The following KHDRBS2 variants were observed in gnomAD, a reference collection of about 807,000 sequenced individuals.
KHDRBS2 encodes KH domain-containing, RNA-binding, signal transduction-associated protein 2.
KHDRBS2 carries 26 observed loss-of-function variants against 44.3 expected under a neutral mutation model. The observed-to-expected ratio is 0.59, with a 90% CI of 0.43 to 0.81. The LOEUF is 0.81. Among genes scored for constraint, KHDRBS2 ranks in the 40% least tolerant of loss-of-function variants. The pLI, the probability that KHDRBS2 is intolerant of heterozygous loss-of-function variation, is 0.00. For missense variants in KHDRBS2, 476 were observed against 433.1 expected, an observed-to-expected ratio of 1.10 and a Z score of -0.88; for synonymous variants, 194 against 151.1, an observed-to-expected ratio of 1.28 and a Z score of -2.08.
At chr6:62,285,291 C>A (rs1842328622) in intron 1 of KHDRBS2, among the ~76,000 whole-genome samples, 1 of 152,140 alleles carries the variant, frequency 6.6e-6, no homozygotes, top group African/African-American at 2.4e-5. Context: ...ACCCAATCAT[C>A]ACACTTCAAA....
chr6:61,643,208 T>C, the KHDRBS2 span, among the ~76,000 whole-genome samples: 1 of 152,204 alleles, frequency 6.6e-6, no homozygotes, highest in Non-Finnish European at 1.5e-5. Context: ...AGATTTGATA[T>C]GAAAAATTTC....
intron 4 of KHDRBS2, among the ~76,000 whole-genome samples, chr6:61,912,421 G>C (rs1434526451): frequency 2.0e-5 from 3 of 152,104 alleles, no homozygotes; most frequent in Admixed American, 1.3e-4. Context: ...TGTTCAGCTG[G>C]GCTTCTTGTC....
intron 5 of KHDRBS2, among the ~76,000 whole-genome samples, chr6:61,895,976 A>G (rs1802872256): frequency 2.0e-5 from 3 of 152,224 alleles, no homozygotes; most frequent in Admixed American, 1.3e-4. Context: ...GCTGATGAAT[A>G]GAGAAATGAT....
At position 61,892,825 on chromosome 6, in the gene KHDRBS2, T is replaced by A. The variant is rs546061499; in HGVS notation, c.810+1810A>T. ...TAGAAGAAAACCTAGGCATTACCAT[T>A]CAGGACATAGGCATGGGCAAGGACT... On this transcript the variant is annotated intron_variant, in intron 6 of 8. Coordinates refer to ENST00000281156, the MANE Select transcript of KHDRBS2 (RefSeq NM_152688.4). 5.3e-3 allele frequency among the ~76,000 whole-genome samples: 810 copies of A among 152,272 alleles called. 3 individuals carry two copies. The highest frequency in any genetic ancestry group is 9.0e-3 in the Non-Finnish European group (613 of 68,024).
At chr6:61,878,800 C>T (rs1799808221) in intron 6 of KHDRBS2, among the ~76,000 whole-genome samples, 2 of 151,956 alleles carry the variant, frequency 1.3e-5, no homozygotes, top group Admixed American at 1.3e-4. Context: ...CACTTACTGG[C>T]TAGGCAACTT....
intron 4 of KHDRBS2, among the ~76,000 whole-genome samples, chr6:61,967,668 T>C (rs1770345121): frequency 6.6e-6 from 1 of 151,806 alleles, no homozygotes; most frequent in South Asian, 2.1e-4. Flanking sequence ...TGAAAGTGAA[T>C]AAGCACACAG....
In KHDRBS2 at chr6:61,917,420, A is replaced by C. The variant is rs141325073; in HGVS notation, c.484-16049T>G. ...AAAGGTCACATACTATATGATTCAA[A>C]ATATATGACATTCTAGAAAAAGCAA... On this transcript the variant is annotated intron_variant, in intron 4 of 8. Coordinates refer to ENST00000281156, the MANE Select transcript of KHDRBS2 (RefSeq NM_152688.4). Among the ~76,000 whole-genome samples, 375 of 152,022 alleles carry C rather than the reference A, an allele frequency of 2.5e-3. 3 individuals are homozygous for C. The highest frequency in any genetic ancestry group is 8.4e-3 in the African/African-American group (350 of 41,540).
At chr6:62,197,024 T>C (rs1173749903) in intron 1 of KHDRBS2, among the ~76,000 whole-genome samples, 1 of 152,042 alleles carries the variant, frequency 6.6e-6, no homozygotes, top group African/African-American at 2.4e-5. Context: ...CACAGTGTAG[T>C]ATAAAAATGA....
intron 4 of KHDRBS2, among the ~76,000 whole-genome samples, chr6:61,969,488 A>C (rs1351111772): frequency 1.3e-5 from 2 of 152,066 alleles, no homozygotes; most frequent in East Asian, 3.8e-4. Flanking sequence ...TATCCTAACT[A>C]TAACTTGTCT....
At chr6:61,868,936 A>G (rs576359584) in intron 6 of KHDRBS2, among the ~76,000 whole-genome samples, 3 of 152,282 alleles carry the variant, frequency 2.0e-5, no homozygotes, top group South Asian at 4.2e-4. Flanking sequence ...GAGACTCCAC[A>G]TAGCTCTGTA....
At chr6:61,951,566 C>T (rs994540013) in intron 4 of KHDRBS2, among the ~76,000 whole-genome samples, 2 of 151,982 alleles carry the variant, frequency 1.3e-5, no homozygotes, top group South Asian at 2.1e-4. Context: ...TTGTATAACA[C>T]CTTGGAATGC....
At chr6:61,904,406 T>C (rs771338256) in intron 4 of KHDRBS2, among the ~76,000 whole-genome samples, 3 of 152,194 alleles carry the variant, frequency 2.0e-5, no homozygotes, top group Non-Finnish European at 4.4e-5. Flanking sequence ...AAGCAACTAA[T>C]ATAATGTAAC....
Position 61,930,036 on chromosome 6 carries a change from C to G in KHDRBS2, c.484-28665G>C, listed in dbSNP as rs62414732. ...AGGTGATTAAGTCATGAAGGCAGAG[C>G]CTTCATGGATAAAATTAGGGTCCTC... On this transcript the variant is annotated intron_variant, in intron 4 of 8. Transcript: ENST00000281156. 6.2e-3 allele frequency among the ~76,000 whole-genome samples: 944 copies of G among 152,092 alleles called. 7 individuals carry two copies. The highest frequency in any genetic ancestry group is 0.017 in the Middle Eastern group (5 of 294).
the KHDRBS2 span, among the ~76,000 whole-genome samples, chr6:61,612,389 T>C: frequency 1.3e-5 from 2 of 152,212 alleles, no homozygotes; most frequent in African/African-American, 4.8e-5. Flanking sequence ...AGTGGTTTGT[T>C]AGAATAAATA....
chr6:61,715,258 A>G (rs1366554511), intron 7 of KHDRBS2, among the ~76,000 whole-genome samples: 1 of 151,934 alleles, frequency 6.6e-6, no homozygotes, highest in African/African-American at 2.4e-5. Context: ...TTGAGCTCAG[A>G]TAACTACATT....
intron 2 of KHDRBS2, among the ~76,000 whole-genome samples, chr6:62,072,231 G>A (rs1296756874): frequency 4.6e-5 from 7 of 152,116 alleles, no homozygotes; most frequent in Non-Finnish European, 7.4e-5. Context: ...TCAGCTTAAG[G>A]AGATTTTGGG....
At chr6:62,040,411 AAAAT>A (rs1050767349) in intron 3 of KHDRBS2, among the ~76,000 whole-genome samples, 2 of 152,058 alleles carry the variant, frequency 1.3e-5, no homozygotes, top group Non-Finnish European at 2.9e-5. Context: ...TTAGTGGTCT[AAAAT>A]AATGATTTTA....
intron 2 of KHDRBS2, among the ~76,000 whole-genome samples, chr6:62,123,557 G>T (rs1418186481): frequency 6.6e-6 from 1 of 152,148 alleles, no homozygotes; most frequent in East Asian, 1.9e-4. Context: ...CCTGCCTACT[G>T]TTTTGTAAAT....
chr6:61,993,113 GT>G lies in KHDRBS2; in HGVS notation c.337-14902del, dbSNP rs565599446. Reference sequence around the variant, plus strand: ...TTTTCTCAAAGTCTGCAAAATTGATGTTTTTGGGAAAAGTGTAAAGGCAGAG... The same window carrying G: ...TTTTCTCAAAGTCTGCAAAATTGATGTTTTGGGAAAAGTGTAAAGGCAGAG... On this transcript the variant is annotated intron_variant, in intron 3 of 8. Transcript: ENST00000281156. Among the ~76,000 whole-genome samples, 12 of 152,218 alleles carry G rather than the reference GT, an allele frequency of 7.9e-5. No homozygotes were observed. In the East Asian group the frequency reaches 2.1e-3, roughly 27 times the overall value.
Sources: gnomAD v4.1 joint callset for allele counts (sites outside exome capture counted in the v4.1 genomes callset) on GRCh38, gnomAD v4.1.1 for gene constraint, MANE v1.5 for transcripts, NCBI Gene and HGNC (gene_info 2026-07-23, HGNC 2026-07-21) for gene names.